Variants in DCHS2 observed in about 807,000 individuals in gnomAD.
The protein encoded by DCHS2 is dachsous cadherin-related 2.
A neutral mutation model predicts 182.4 loss-of-function variants in DCHS2; 142 were observed. That is an observed-to-expected ratio of 0.78 (90% CI 0.68 to 0.89). The LOEUF (loss-of-function observed/expected upper bound fraction) is 0.89. Ranked by LOEUF, DCHS2 falls within the 40% of genes least tolerant of loss-of-function variation. DCHS2 has a pLI of 0.00. For synonymous variants in DCHS2, 1,740 were observed against 1,663.3 expected (o/e 1.05, Z -1.12); for missense variants, 4,319 against 4,198.6 (o/e 1.03, Z -0.79).
chr4:154,394,090 G>T (rs569113036), intron 1 of DCHS2, among the ~76,000 whole-genome samples: 1 of 152,098 alleles, frequency 6.6e-6, no homozygotes, highest in African/African-American at 2.4e-5. Flanking sequence ...GTAAAGAGGA[G>T]GTGTGGAGCG....
chr4:154,466,319 A>G (rs1735236625), intron 1 of DCHS2, among the ~76,000 whole-genome samples: 1 of 152,198 alleles, frequency 6.6e-6, no homozygotes, highest in Non-Finnish European at 1.5e-5. Context: ...CATTACTCAT[A>G]GCAAAGGTGG....
chr4:154,332,560 A>G lies in DCHS2; in HGVS notation c.3648T>C (p.Ile1216=), dbSNP rs1238679719. ...PQGVIGKITA[I]DMDSGKNGQL... ...GTCCATTCTTTCCAGAGTCCATGTC[A>G]ATAGCTGTAATTTTGCCTATTACCC... The change falls in exon 5 of 20, where the codon ATT becomes ATC. Residue 1216 remains isoleucine (I), a synonymous_variant. Transcript: ENST00000357232. The G allele has an allele frequency of 6.2e-7, 1 of 1,614,180 alleles. No homozygotes were observed. The highest frequency in any genetic ancestry group is 1.1e-5 in the South Asian group (1 of 91,086).
intron 1 of DCHS2, among the ~76,000 whole-genome samples, chr4:154,414,130 G>A (rs1413989590): frequency 2.0e-5 from 3 of 150,066 alleles, no homozygotes; most frequent in Non-Finnish European, 4.4e-5. Context: ...GCAGATAGAG[G>A]GCAAACAGTC....
chr4:154,325,055 A>G (rs1476784908), intron 7 of DCHS2, among the ~76,000 whole-genome samples: 1 of 152,200 alleles, frequency 6.6e-6, no homozygotes, highest in Non-Finnish European at 1.5e-5. Flanking sequence ...TAAAAAAAGA[A>G]TATTTCGATG....
intron 3 of DCHS2, among the ~76,000 whole-genome samples, chr4:154,344,553 A>T (rs1243775919): frequency 1.3e-5 from 2 of 152,374 alleles, no homozygotes; most frequent in Non-Finnish European, 2.9e-5. Context: ...CTATTTAATT[A>T]AAGAAACTGA....
At chr4:154,396,100 A>AT (rs1731918654) in intron 1 of DCHS2, among the ~76,000 whole-genome samples, 1 of 152,018 alleles carries the variant, frequency 6.6e-6, no homozygotes, top group Non-Finnish European at 1.5e-5. Context: ...CTTTTCTGGG[A>AT]TTTTTCTTTT....
At position 154,304,885 on chromosome 4, in the gene DCHS2, C is replaced by G; in HGVS notation, c.5396-7G>C. On this transcript the variant is annotated splice_region_variant and splice_polypyrimidine_tract_variant and intron_variant, in intron 11 of 19. Coordinates refer to ENST00000357232, the MANE Select transcript of DCHS2 (RefSeq NM_001358235.2). ...CCCCCATCTCGTACTAGTACTGACA[C>G]AGAACACAAAGACGGTATGAATTGT... 6.2e-7 allele frequency: 1 copy of G among 1,601,308 alleles called. No individual in the cohort carries two copies. The highest frequency in any genetic ancestry group is 8.5e-7 in the Non-Finnish European group (1 of 1,173,958).
intron 10 of DCHS2, among the ~76,000 whole-genome samples, chr4:154,313,072 G>A (rs919156072): frequency 6.6e-6 from 1 of 152,170 alleles, no homozygotes; most frequent in Non-Finnish European, 1.5e-5. Context: ...ATGGAATAGA[G>A]AATAACATCC....
intron 1 of DCHS2, among the ~76,000 whole-genome samples, chr4:154,415,669 T>A (rs1317517113): frequency 6.6e-6 from 1 of 152,096 alleles, no homozygotes; most frequent in Non-Finnish European, 1.5e-5. Context: ...AGCTACGGTA[T>A]CTCCAGGTCC....
chr4:154,311,864 T>A (rs114500090), intron 10 of DCHS2, among the ~76,000 whole-genome samples: 1 of 152,198 alleles, frequency 6.6e-6, no homozygotes, highest in South Asian at 2.1e-4. Context: ...ACAATTATAA[T>A]ACTATATATT....
chr4:154,255,862 T>C (rs1387189992), intron 15 of DCHS2, among the ~76,000 whole-genome samples, 192 bp from the exon 16 acceptor site: 2 of 152,206 alleles, frequency 1.3e-5, no homozygotes, highest in African/African-American at 4.8e-5. Context: ...TGGGGGAAAT[T>C]CTTCATCCAA....
At chr4:154,336,341 T>C (rs1165193573) in intron 3 of DCHS2, among the ~76,000 whole-genome samples, 2 of 152,366 alleles carry the variant, frequency 1.3e-5, no homozygotes, top group East Asian at 3.8e-4. Flanking sequence ...AAAACGGATC[T>C]AATGCAATCA....
At chr4:154,411,821 A>T (rs896707982) in intron 1 of DCHS2, among the ~76,000 whole-genome samples, 1 of 152,234 alleles carries the variant, frequency 6.6e-6, no homozygotes, top group Non-Finnish European at 1.5e-5. Context: ...ATCATATAAC[A>T]TCATGCTGTA....
intron 3 of DCHS2, among the ~76,000 whole-genome samples, chr4:154,344,772 T>C (rs1256040739): frequency 6.6e-6 from 1 of 152,168 alleles, no homozygotes; most frequent in East Asian, 1.9e-4. Context: ...GAGGCATCCC[T>C]GTGCAGCTGA....
intron 1 of DCHS2, among the ~76,000 whole-genome samples, chr4:154,472,134 G>C (rs1318804860): frequency 6.6e-6 from 1 of 152,170 alleles, no homozygotes; most frequent in Non-Finnish European, 1.5e-5. Flanking sequence ...CCACAAAGCA[G>C]CTCTCTGGCT....
At chr4:154,469,524 T>G (rs1055286211) in intron 1 of DCHS2, among the ~76,000 whole-genome samples, 1 of 152,246 alleles carries the variant, frequency 6.6e-6, no homozygotes, top group Admixed American at 6.5e-5. Flanking sequence ...CTTCTTAATA[T>G]GTACTTGTAA....
At chr4:154,459,947 C>A (rs939980591) in intron 1 of DCHS2, among the ~76,000 whole-genome samples, 2 of 151,318 alleles carry the variant, frequency 1.3e-5, no homozygotes, top group Non-Finnish European at 3.0e-5. Flanking sequence ...GCCAGGCCAC[C>A]AATTCTACAC....
chr4:154,235,121 A>C lies in DCHS2; in HGVS notation c.9531T>G (p.Cys3177Trp), dbSNP rs750896876. Residue 3177 changes from cysteine to tryptophan, a missense_variant, in exon 20 of 20, where the codon TGT becomes TGG. Physicochemically the swap from Cys to Trp is radical, Grantham distance 215. Transcript: ENST00000357232. ...TCTGGGGTAACACATTATTTTGAGC[A>C]CAGGTGGTGCTGCAGCCTTCCCCTT... is the stretch of plus-strand genomic sequence containing the variant. The part of the protein sequence containing the change: ...GDQGEGCSTT[C>W]AQNNVLPQTV... 1 of 1,613,928 alleles carries C rather than the reference A, an allele frequency of 6.2e-7. No homozygotes were observed. Among genetic ancestry groups the C allele is most frequent in the South Asian group, 1.1e-5 (1 of 91,072 alleles).
intron 3 of DCHS2, among the ~76,000 whole-genome samples, chr4:154,357,933 G>T (rs544610258): frequency 6.6e-6 from 1 of 152,290 alleles, no homozygotes; most frequent in East Asian, 1.9e-4. Flanking sequence ...TTTCTCAGGT[G>T]AGAATCAGAC....
Sources: allele counts gnomAD v4.1 joint callset (sites outside exome capture counted in the v4.1 genomes callset), GRCh38; gene constraint gnomAD v4.1.1; transcripts MANE v1.5; gene names NCBI Gene and HGNC (gene_info 2026-07-23, HGNC 2026-07-21).